Variants in BCL2 observed in about 807,000 individuals in gnomAD.
The protein encoded by BCL2 is apoptosis regulator Bcl-2.
In BCL2, 1 loss-of-function variant was observed where a neutral mutation model predicts 14.2. The ratio of observed to expected loss-of-function variants is 0.07; its 90% CI spans 0.02 to 0.33. The LOEUF (loss-of-function observed/expected upper bound fraction) is 0.33, where lower values mean the gene tolerates loss of function less well. Ranked by LOEUF, BCL2 falls within the 10% of genes least tolerant of loss-of-function variation. The pLI is 0.99. For synonymous variants in BCL2, 151 were observed against 137.2 expected, an observed-to-expected ratio of 1.10 and a Z score of -0.70; for missense variants, 247 against 305.9, an observed-to-expected ratio of 0.81 and a Z score of 1.44.
At chr18:63,225,736 G>A (rs913967122) in intron 2 of BCL2, among the ~76,000 whole-genome samples, 1 of 152,210 alleles carries the variant, frequency 6.6e-6, no homozygotes, top group Non-Finnish European at 1.5e-5. Flanking sequence ...GAGCACGCAG[G>A]TGAGTAGATG....
At chr18:63,133,855 T>C (rs1914138047) in intron 2 of BCL2, among the ~76,000 whole-genome samples, 1 of 152,224 alleles carries the variant, frequency 6.6e-6, no homozygotes, top group Non-Finnish European at 1.5e-5. Flanking sequence ...AATAATAAAG[T>C]GCACAGATTA....
At chr18:63,142,486 G>A (rs891120959) in intron 2 of BCL2, among the ~76,000 whole-genome samples, 3 of 152,166 alleles carry the variant, frequency 2.0e-5, no homozygotes, top group African/African-American at 7.2e-5. Context: ...CTTGGTTTGG[G>A]GCAGGTAAGT....
intron 2 of BCL2, among the ~76,000 whole-genome samples, chr18:63,135,565 T>C (rs1237544709): frequency 6.6e-6 from 1 of 152,166 alleles, no homozygotes; most frequent in African/African-American, 2.4e-5. Context: ...CTGGGATCAT[T>C]GGGCAAGAAT....
intron 2 of BCL2, among the ~76,000 whole-genome samples, chr18:63,265,520 C>T (rs17070946): frequency 0.31 from 47,079 of 152,038 alleles, 7,810 homozygotes; most frequent in Middle Eastern, 0.42. Context: ...TTGAAACAAC[C>T]TCACACACCC....
In BCL2 at chr18:63,127,332, C is replaced by T. The variant is rs369042063; in HGVS notation, c.*1293G>A. On this transcript the variant is annotated 3_prime_UTR_variant, in exon 3 of 3. Transcript: ENST00000333681. ...GGGCCGTGGCCATTGCCTCTCCTCA[C>T]GTTCCCAGCCTTCACCATGTCCTTC... is the stretch of plus-strand genomic sequence containing the variant. 38 of 232,276 alleles carry T rather than the reference C, an allele frequency of 1.6e-4. No homozygotes were observed. The South Asian group carries it at 4.9e-3, about 30-fold the overall frequency. The allele number at this position is 232,276 out of a possible 1,614,324, so 14.4% of individuals were successfully genotyped here. A position where few individuals can be genotyped will look rare whatever the true frequency, so the allele number is the denominator to read the frequency against.
chr18:63,158,469 G>A (rs1284020567), intron 2 of BCL2, among the ~76,000 whole-genome samples: 1 of 151,752 alleles, frequency 6.6e-6, no homozygotes, highest in Admixed American at 6.6e-5. Flanking sequence ...TGGACCCTCC[G>A]AGACCCCCAG....
At chr18:63,279,177 G>C (rs548910878) in intron 2 of BCL2, among the ~76,000 whole-genome samples, 1 of 152,214 alleles carries the variant, frequency 6.6e-6, no homozygotes, top group African/African-American at 2.4e-5. Flanking sequence ...AACCATGAAG[G>C]AAAAGAGTGA....
In BCL2 at chr18:63,318,884, G is replaced by C. The variant is rs1913601920; in HGVS notation, c.-218C>G. On this transcript the variant is annotated 5_prime_UTR_variant, in exon 2 of 3. In the 5' UTR this introduces an upstream ATG that the reference lacks. Transcript: ENST00000333681. This position sits in a 1 kb window ranked among gnomAD's most constrained non-coding sequence, Gnocchi z 7.4. ...GAAATTTTTATTCCAATTCCTTTCG[G>C]ATCTTTATTTCATGAGGCACGTTAT... The C allele has an allele frequency of 8.5e-6, 12 of 1,408,314 alleles. No individual in the cohort carries two copies. The highest frequency in any genetic ancestry group is 1.0e-5 in the Non-Finnish European group (11 of 1,078,952). The allele number at this position is 1,408,314 out of a possible 1,614,324, so 87.2% of individuals were successfully genotyped here.
chr18:63,185,452 T>C (rs909643247), intron 2 of BCL2, among the ~76,000 whole-genome samples: 1 of 152,218 alleles, frequency 6.6e-6, no homozygotes, highest in Non-Finnish European at 1.5e-5. Flanking sequence ...AGGGAAAGGA[T>C]GAGAAGAGAC....
intron 2 of BCL2, among the ~76,000 whole-genome samples, chr18:63,211,164 G>A (rs1444928691): frequency 6.8e-6 from 1 of 147,594 alleles, no homozygotes; most frequent in Admixed American, 6.9e-5. Flanking sequence ...ACCACCTCCT[G>A]GGTTCCAGCG....
At chr18:63,143,755 T>C (rs1914431251) in intron 2 of BCL2, among the ~76,000 whole-genome samples, 1 of 152,246 alleles carries the variant, frequency 6.6e-6, no homozygotes, top group Non-Finnish European at 1.5e-5. Flanking sequence ...GCCATGCCTA[T>C]GCATGTGTAG....
chr18:63,242,720 C>T (rs139486028), intron 2 of BCL2, among the ~76,000 whole-genome samples: 5 of 152,210 alleles, frequency 3.3e-5, no homozygotes, highest in Non-Finnish European at 7.4e-5. Flanking sequence ...AACAACTTCA[C>T]GTATGTGAAG....
At chr18:63,151,052 A>G (rs939915621) in intron 2 of BCL2, 5 of 152,052 alleles carry the variant, frequency 3.3e-5, no homozygotes, top group Admixed American at 1.3e-4. Flanking sequence ...CTATAATGCA[A>G]TCAGGGGCAT....
intron 2 of BCL2, among the ~76,000 whole-genome samples, chr18:63,194,271 A>T (rs1482125486): frequency 6.6e-6 from 1 of 152,238 alleles, no homozygotes; most frequent in Non-Finnish European, 1.5e-5. Context: ...TGTGAAGGTC[A>T]GTCAAATATC....
intron 2 of BCL2, among the ~76,000 whole-genome samples, chr18:63,140,489 C>G (rs971946350): frequency 6.6e-6 from 1 of 152,212 alleles, no homozygotes; most frequent in Non-Finnish European, 1.5e-5. Flanking sequence ...AGCATTGACA[C>G]ATGCAACAAC....
chr18:63,284,391 C>T (rs995140894), intron 2 of BCL2, among the ~76,000 whole-genome samples: 1 of 152,292 alleles, frequency 6.6e-6, no homozygotes, highest in African/African-American at 2.4e-5. Flanking sequence ...TATACTTTTG[C>T]AGGCTTTCAT....
chr18:63,177,001 C>T lies in BCL2; in HGVS notation c.586-48242G>A, dbSNP rs193026485. On this transcript the variant is annotated intron_variant, in intron 2 of 2. Coordinates refer to ENST00000333681, the MANE Select transcript of BCL2 (RefSeq NM_000633.3). ...GTACAATCACAGCTCTCTGCAGCCT[C>T]GACTTCCTGGGCTCAGGTGATTCTC... Among the ~76,000 whole-genome samples, 1,205 of 151,644 alleles carry T rather than the reference C, an allele frequency of 7.9e-3. 21 individuals are homozygous for T. Among genetic ancestry groups the T allele is most frequent in the Admixed American group, 0.029 (436 of 15,254 alleles).
chr18:63,205,674 T>C (rs1382141115), intron 2 of BCL2, among the ~76,000 whole-genome samples: 1 of 152,074 alleles, frequency 6.6e-6, no homozygotes, highest in African/African-American at 2.4e-5. Flanking sequence ...AACAACAACA[T>C]TTGACTAGAG....
chr18:63,133,605 C>T (rs778090507), intron 2 of BCL2, among the ~76,000 whole-genome samples: 5 of 152,006 alleles, frequency 3.3e-5, no homozygotes, highest in South Asian at 4.2e-4. Context: ...AGAAATTTCA[C>T]GTAAACCTAA....
Sources: allele counts gnomAD v4.1 joint callset (sites outside exome capture counted in the v4.1 genomes callset), GRCh38; gene constraint gnomAD v4.1.1; non-coding constraint Gnocchi (gnomAD v3.1); transcripts MANE v1.5; gene names NCBI Gene and HGNC (gene_info 2026-07-23, HGNC 2026-07-21).